Variants in NNT observed in about 807,000 individuals in gnomAD.
NNT encodes nicotinamide nucleotide transhydrogenase.
In NNT, 50 loss-of-function variants were observed where a neutral mutation model predicts 104.8. The ratio of observed to expected loss-of-function variants is 0.48; its 90% confidence interval spans 0.38 to 0.60. NNT has a LOEUF of 0.60. Ranked by LOEUF, NNT falls within the 20% of genes least tolerant of loss-of-function variation. The pLI, the probability that NNT is intolerant of heterozygous loss-of-function variation, is 0.00. For synonymous variants in NNT, 461 were observed against 490.4 expected (o/e 0.94, Z 0.79); for missense variants, 1,131 against 1,330.7 (o/e 0.85, Z 2.33).
At chr5:43,662,323 A>C (rs888742296) in intron 17 of NNT, among the ~76,000 whole-genome samples, 2 of 152,080 alleles carry the variant, frequency 1.3e-5, no homozygotes, top group African/African-American at 4.8e-5. Flanking sequence ...TACTTGTTGA[A>C]AGTACTCTCT....
Position 43,656,666 on chromosome 5 carries a change from T to C in NNT, c.2307T>C (p.Ser769=). ...AYGKLQGLLK[S]APLLLPGRHL... is the part of the protein sequence containing the mutation. ...GCTTGGCTCTAGGTCTCCTGAAATC[T>C]GCCCCTCTCCTACTGCCTGGAAGGC... is the stretch of plus-strand genomic sequence containing the variant. The change falls in exon 16 of 22, where the codon TCT becomes TCC. Residue 769 remains serine (S), a synonymous_variant. Coordinates refer to ENST00000344920, the MANE Select transcript of NNT (RefSeq NM_182977.3). The C allele has an allele frequency of 1.2e-6, 2 of 1,611,726 alleles. No homozygotes were observed. The highest frequency in any genetic ancestry group is 1.7e-6 in the Non-Finnish European group (2 of 1,179,374).
Position 43,675,653 on chromosome 5 carries a change from G to A in NNT, c.2777G>A (p.Ser926Asn), listed in dbSNP as rs138051357. 65 of 1,604,226 alleles carry A rather than the reference G, an allele frequency of 4.1e-5. 1 individual carries two copies. In the African/African-American group the frequency reaches 5.2e-4, roughly 13 times the overall value. ...ATTGACATGATTCGAGAAGCTAATAGCATTATTATTACACCAGGTAAAGAA... is the reference window on the plus strand; with the variant it reads ...ATTGACATGATTCGAGAAGCTAATAACATTATTATTACACCAGGTAAAGAA... ...NAIDMIREAN[S>N]IIITPGYGLC... The change falls in exon 18 of 22, where the codon AGC (serine) becomes AAC (asparagine). Residue 926 changes from serine (S) to asparagine (N), a missense_variant. Coordinates refer to ENST00000344920, the MANE Select transcript of NNT (RefSeq NM_182977.3).
chr5:43,693,400 G>A (rs1339556896), intron 19 of NNT, among the ~76,000 whole-genome samples: 1 of 152,134 alleles, frequency 6.6e-6, no homozygotes, highest in African/African-American at 2.4e-5. Flanking sequence ...CACTTTGATT[G>A]CTGGAGAAAT....
intron 7 of NNT, among the ~76,000 whole-genome samples, chr5:43,642,643 GT>G (rs1280864012): frequency 6.6e-6 from 1 of 152,180 alleles, no homozygotes; most frequent in Non-Finnish European, 1.5e-5. Flanking sequence ...CAATGGTGCA[GT>G]TTTGAGAGGG....
intron 19 of NNT, among the ~76,000 whole-genome samples, chr5:43,685,714 A>G (rs1280032501): frequency 6.6e-6 from 1 of 152,150 alleles, no homozygotes; most frequent in Non-Finnish European, 1.5e-5. Flanking sequence ...GTTTATTTGA[A>G]CAGTTGTGGT....
At chr5:43,616,239 A>G (rs1430258182) in intron 4 of NNT, among the ~76,000 whole-genome samples, 174 bp downstream of exon 4, 3 of 152,214 alleles carry the variant, frequency 2.0e-5, no homozygotes, top group Non-Finnish European at 4.4e-5. Context: ...CAGTAATTAG[A>G]TAGGAAATGA....
chr5:43,651,601 A>G lies in NNT; in HGVS notation c.1718-138A>G, dbSNP rs1015320674. 5 of 982,920 alleles carry G rather than the reference A, an allele frequency of 5.1e-6. No individual in the cohort carries two copies. The African/African-American group carries it at 8.2e-5, about 16-fold the overall frequency. 60.9% of individuals were successfully genotyped at this position (982,920 alleles called of 1,614,324 possible). On this transcript the variant is annotated intron_variant, in intron 12 of 21. Transcript: ENST00000344920. ...TCAAAAAAAAAAATTTGAGGTTGCA[A>G]AATGTTACTTTAAATTATATTTGTT...
At position 43,644,193 on chromosome 5, in the gene NNT, T is replaced by TA; in HGVS notation, c.972dup (p.Ala325SerfsTer6). ...TGCTGCTTTCTTTGATTTTATTAGG[T>TA]AAAAAAGCTCCAGTTTTATTTAATA... is the stretch of plus-strand genomic sequence containing the variant. On this transcript the variant is annotated frameshift_variant and splice_region_variant, in exon 8 of 22. Transcript: ENST00000344920. LOFTEE classifies it high-confidence loss of function. The TA allele has an allele frequency of 6.2e-7, 1 of 1,600,756 alleles. No homozygotes were observed. The highest frequency in any genetic ancestry group is 8.5e-7 in the Non-Finnish European group (1 of 1,175,374).
At chr5:43,643,349 T>A (rs1240194609) in intron 7 of NNT, among the ~76,000 whole-genome samples, 2 of 152,248 alleles carry the variant, frequency 1.3e-5, no homozygotes, top group African/African-American at 4.8e-5. Flanking sequence ...AACATATTGA[T>A]GTATATTAGC....
At chr5:43,660,547 C>T (rs1031261657) in intron 17 of NNT, among the ~76,000 whole-genome samples, 2 of 152,046 alleles carry the variant, frequency 1.3e-5, no homozygotes, top group Admixed American at 1.3e-4. Flanking sequence ...TGTATTAGTC[C>T]ATTCTCACAC....
intron 17 of NNT, among the ~76,000 whole-genome samples, chr5:43,662,753 C>T (rs867207927): frequency 5.9e-5 from 9 of 152,016 alleles, no homozygotes; most frequent in Middle Eastern, 3.2e-3. Context: ...GTTAGCTGGG[C>T]ATGGTGGCAC....
intron 10 of NNT, among the ~76,000 whole-genome samples, chr5:43,646,800 G>A (rs1017948550): frequency 2.0e-5 from 3 of 152,100 alleles, no homozygotes. Context: ...AACATTTTAA[G>A]TTACTCAACT....
chr5:43,609,139 T>A lies in NNT; in HGVS notation c.-53-4T>A. The A allele has an allele frequency of 6.9e-7, 1 of 1,455,840 alleles. No homozygotes were observed. 90.2% of individuals were successfully genotyped at this position (1,455,840 alleles called of 1,614,324 possible). On this transcript the variant is annotated splice_region_variant and splice_polypyrimidine_tract_variant and intron_variant, in intron 1 of 21. Coordinates refer to ENST00000344920, the MANE Select transcript of NNT (RefSeq NM_182977.3). ...TATATACATCCTATTTTCTTTTTTC[T>A]TAGTGATTTGCCTTCAAGGAAACTG...
intron 19 of NNT, among the ~76,000 whole-genome samples, chr5:43,697,782 A>G (rs1176744829): frequency 6.6e-6 from 1 of 152,212 alleles, no homozygotes; most frequent in Non-Finnish European, 1.5e-5. Flanking sequence ...AGGCAAAAAA[A>G]GGAGAGCTTG....
At chr5:43,616,786 T>C (rs1184384231) in intron 4 of NNT, among the ~76,000 whole-genome samples, 3 of 152,174 alleles carry the variant, frequency 2.0e-5, no homozygotes, top group African/African-American at 7.2e-5. Flanking sequence ...GAAAGCAGTG[T>C]ACTGCTGACT....
intron 17 of NNT, chr5:43,667,368 C>G: frequency 2.1e-6 from 1 of 470,794 alleles, no homozygotes; most frequent in East Asian, 4.1e-5. Context: ...GTGTGCTGCA[C>G]CCATTAACTA....
Position 43,609,325 on chromosome 5 carries a change from T to C in NNT, c.130T>C (p.Cys44Arg). 4 of 1,614,028 alleles carry C rather than the reference T, an allele frequency of 2.5e-6. No homozygotes were observed. The South Asian group carries it at 4.4e-5, about 18-fold the overall frequency. ...ATTTTATACTCACCAAGAACTGTGG[T>C]GTAAAGCGCCTGTAAAACCAGGTAA... ...RTFYTHQELW[C>R]KAPVKPGIPY... Residue 44 changes from cysteine to arginine, a missense_variant, in exon 2 of 22, where the codon TGT becomes CGT. By Grantham distance (180) the Cys-to-Arg change is radical (BLOSUM62 -3). Coordinates refer to ENST00000344920, the MANE Select transcript of NNT (RefSeq NM_182977.3).
At chr5:43,694,209 A>G (rs1235725802) in intron 19 of NNT, among the ~76,000 whole-genome samples, 1 of 152,216 alleles carries the variant, frequency 6.6e-6, no homozygotes, top group East Asian at 1.9e-4. Flanking sequence ...TAGATATAAA[A>G]TCATGTCATC....
chr5:43,620,136 C>T (rs1561267909), intron 5 of NNT, among the ~76,000 whole-genome samples: 1 of 152,192 alleles, frequency 6.6e-6, no homozygotes, highest in Non-Finnish European at 1.5e-5. Flanking sequence ...GAACAAAGCA[C>T]ATCCAAACCA....
Sources: gnomAD v4.1 joint callset for allele counts (sites outside exome capture counted in the v4.1 genomes callset) on GRCh38, gnomAD v4.1.1 for gene constraint, MANE v1.5 for transcripts, NCBI Gene and HGNC (gene_info 2026-07-23, HGNC 2026-07-21) for gene names.